Variants in RAP2C observed in about 807,000 individuals in gnomAD.
RAP2C encodes RAP2C, member of RAS oncogene family.
RAP2C carries 3 observed loss-of-function variants against 8.9 expected under a neutral mutation model. That is an observed-to-expected ratio of 0.34 (90% CI 0.15 to 0.87). RAP2C has a LOEUF of 0.87. Among genes scored for constraint, RAP2C ranks in the 40% least tolerant of loss-of-function variants. The pLI, the probability that RAP2C is intolerant of heterozygous loss-of-function variation, is 0.51. For missense variants in RAP2C, 76 were observed against 133.7 expected, an observed-to-expected ratio of 0.57 and a Z score of 2.13; for synonymous variants, 60 against 52.1, an observed-to-expected ratio of 1.15 and a Z score of -0.65.
rs1930181918 is a variant in RAP2C, at chrX:132,203,523, GAGAGAGAGAGA to G, written c.*2088_*2098del. 1 of 73,212 alleles carries G rather than the reference GAGAGAGAGAGA, an allele frequency of 1.4e-5. No homozygotes were observed. The highest frequency in any genetic ancestry group is 2.5e-5 in the Non-Finnish European group (1 of 39,520). The allele number at this position is 73,212 out of a possible 1,213,427, so 6.0% of individuals were successfully genotyped here. A position where few individuals can be genotyped will look rare whatever the true frequency, so the allele number is the denominator to read the frequency against. On this transcript the variant is annotated 3_prime_UTR_variant, in exon 6 of 6. Transcript: ENST00000370874. Reference sequence around the variant, plus strand: ...TGTAATTTTGAGAGAGAGAGAGAGAGAGAGAGAGAGAGAGAGAGAGAGAGAGAGAGAGAGAG... The same window carrying G: ...TGTAATTTTGAGAGAGAGAGAGAGAGGAGAGAGAGAGAGAGAGAGAGAGAG...
At chrX:132,213,749 C>T (rs1429831586) in intron 5 of RAP2C, among the ~76,000 whole-genome samples, 1 of 111,863 alleles carries the variant, frequency 8.9e-6, no homozygotes, top group Non-Finnish European at 1.9e-5. Flanking sequence ...CATAAAAGTA[C>T]AGAAAATACC....
Position 132,217,157 on chromosome X carries a change from C to G in RAP2C, c.112G>C (p.Asp38His). 1 of 1,202,940 alleles carries G rather than the reference C, an allele frequency of 8.3e-7. No individual in the cohort carries two copies. Among genetic ancestry groups the G allele is most frequent in the Non-Finnish European group, 1.1e-6 (1 of 891,558 alleles). The change falls in exon 4 of 6, where the codon GAT (aspartate) becomes CAT (histidine). Residue 38 changes from aspartate (D) to histidine (H), a missense_variant. Asp to His is a moderately conservative substitution (Grantham distance 81, BLOSUM62 -1). Coordinates refer to ENST00000370874, the MANE Select transcript of RAP2C (RefSeq NM_001271186.2). Reference sequence around the variant, plus strand: ...ACTTCGATCTCTTTGCGGTAGAAATCTTCAATGGTGGGGTCATATTTCTCA... The same window carrying G: ...ACTTCGATCTCTTTGCGGTAGAAATGTTCAATGGTGGGGTCATATTTCTCA... ...FIEKYDPTIE[D>H]FYRKEIEVDS...
At chrX:132,205,873 T>C (rs187054122) in intron 5 of RAP2C, among the ~76,000 whole-genome samples, 3 of 111,686 alleles carry the variant, frequency 2.7e-5, no homozygotes, top group South Asian at 3.7e-4. Flanking sequence ...ATTATACTTA[T>C]GCAATATTAA....
chrX:132,203,532 AGAGAGAGAG>A lies in RAP2C; in HGVS notation c.*2081_*2089del, dbSNP rs1930183307. 1 of 105,725 alleles carries A rather than the reference AGAGAGAGAG, an allele frequency of 9.5e-6. No individual in the cohort carries two copies. Among genetic ancestry groups the A allele is most frequent in the Non-Finnish European group, 2.0e-5 (1 of 51,256 alleles). 8.7% of individuals were successfully genotyped at this position (105,725 alleles called of 1,213,427 possible). On this transcript the variant is annotated 3_prime_UTR_variant, in exon 6 of 6. Coordinates refer to ENST00000370874, the MANE Select transcript of RAP2C (RefSeq NM_001271186.2). ...GAGAGAGAGAGAGAGAGAGAGAGAG[AGAGAGAGAG>A]AGAGAGAGAGAGAGAGAGAGAAACA... is the stretch of plus-strand genomic sequence containing the variant.
intron 5 of RAP2C, among the ~76,000 whole-genome samples, chrX:132,208,006 A>C (rs1930320003): frequency 1.6e-5 from 1 of 61,686 alleles, no homozygotes; most frequent in African/African-American, 1.1e-4. Context: ...GGAAAGTACA[A>C]AAAAAAAACC....
chrX:132,209,991 C>T (rs192827178), intron 5 of RAP2C, among the ~76,000 whole-genome samples: 2 of 111,409 alleles, frequency 1.8e-5, no homozygotes, highest in Admixed American at 1.9e-4. Context: ...ATGGTACATA[C>T]CACCCCCAAA....
intron 4 of RAP2C, 173 bp from the exon 5 acceptor site, chrX:132,214,619 CTAGA>C: frequency 1.4e-6 from 1 of 712,592 alleles, no homozygotes; most frequent in Non-Finnish European, 1.7e-6. Context: ...GAAGTAAGAA[CTAGA>C]TAATTTCCAG....
Position 132,217,006 on chromosome X carries a change from T to A in RAP2C, c.263A>T (p.Gln88Leu). The change falls in exon 4 of 6, where the codon CAG becomes CTG. Residue 88 changes from glutamine to leucine, a missense_variant. Physicochemically the swap from Gln to Leu is moderately radical, Grantham distance 113. Coordinates refer to ENST00000370874, the MANE Select transcript of RAP2C (RefSeq NM_001271186.2). ...FILVYSLVNQ[Q>L]SFQDIKPMRD... ...ACTTGGTTTGGTTACCTGAAAAGAC[T>A]GTTGATTAACCAGGCTATAAACCAG... 8.8e-7 allele frequency: 1 copy of A among 1,131,911 alleles called. No homozygotes were observed. Among genetic ancestry groups the A allele is most frequent in the Non-Finnish European group, 1.2e-6 (1 of 856,307 alleles). 93.3% of individuals were successfully genotyped at this position (1,131,911 alleles called of 1,213,427 possible). A position where few individuals can be genotyped will look rare whatever the true frequency, so the allele number is the denominator to read the frequency against.
At position 132,217,173 on chromosome X, in the gene RAP2C, A is replaced by G. The variant is rs754880890; in HGVS notation, c.96T>C (p.Tyr32=). The G allele has an allele frequency of 5.0e-6, 6 of 1,199,028 alleles. No individual in the cohort carries two copies. The highest frequency in any genetic ancestry group is 1.8e-5 in the South Asian group (1 of 54,728). The change falls in exon 4 of 6, where the codon TAT becomes TAC. Residue 32 remains tyrosine, a synonymous_variant. Coordinates refer to ENST00000370874, the MANE Select transcript of RAP2C (RefSeq NM_001271186.2). ...GGTAGAAATCTTCAATGGTGGGGTC[A>G]TATTTCTCAATGAAAGTCCCAGTGA... ...QFVTGTFIEK[Y]DPTIEDFYRK...
intron 5 of RAP2C, among the ~76,000 whole-genome samples, chrX:132,213,538 A>G (rs143853322): frequency 0.031 from 3,453 of 111,378 alleles, 65 homozygotes; most frequent in Non-Finnish European, 0.043. Flanking sequence ...ATTCAACTAG[A>G]TTATCTTTTG....
Position 132,217,543 on chromosome X carries a change from G to C in RAP2C, c.-275C>G, listed in dbSNP as rs1236130689. ...GGGGAGGAGGGCGAGCCTGGGAAAA[G>C]CCCGGCGAGGGTGGCGAGGAGGCGC... is the stretch of plus-strand genomic sequence containing the variant. On this transcript the variant is annotated 5_prime_UTR_variant, in exon 4 of 6. Transcript: ENST00000370874. 1 of 250,306 alleles carries C rather than the reference G, an allele frequency of 4.0e-6. No individual in the cohort carries two copies. Among genetic ancestry groups the C allele is most frequent in the African/African-American group, 2.8e-5 (1 of 35,516 alleles). 20.6% of individuals were successfully genotyped at this position (250,306 alleles called of 1,213,427 possible).
chrX:132,207,303 T>C (rs1045442855), intron 5 of RAP2C, among the ~76,000 whole-genome samples: 1 of 111,784 alleles, frequency 8.9e-6, no homozygotes, highest in Non-Finnish European at 1.9e-5. Flanking sequence ...TCTTCAAGCA[T>C]TCTCTAAAAT....
intron 2 of RAP2C, 88 bp from the exon 3 acceptor site, chrX:132,218,100 C>T (rs1930708017): frequency 3.3e-5 from 1 of 30,294 alleles, no homozygotes; most frequent in Non-Finnish European, 5.5e-5. Context: ...CTCACCCACC[C>T]CCCACCCCCA....
At chrX:132,215,822 G>A (rs1159306513) in intron 4 of RAP2C, among the ~76,000 whole-genome samples, 11 of 110,904 alleles carry the variant, frequency 9.9e-5, no homozygotes, top group Non-Finnish European at 1.9e-4. Context: ...GGGAATTTAT[G>A]CCTACATAAA....
chrX:132,204,995 A>AC lies in RAP2C; in HGVS notation c.*626_*627insG, dbSNP rs1258315000. ...ATGTTAATTACAAAAAAAAAAAAAA[A>AC]AAAACAAAACACATCACAAACTGCA... On this transcript the variant is annotated 3_prime_UTR_variant, in exon 6 of 6. Transcript: ENST00000370874. 3.5e-4 allele frequency: 39 copies of AC among 110,417 alleles called. No individual in the cohort carries two copies. The highest frequency in any genetic ancestry group is 1.2e-3 in the African/African-American group (36 of 30,457). The allele number at this position is 110,417 out of a possible 1,213,427, so 9.1% of individuals were successfully genotyped here.
At chrX:132,206,768 T>C (rs1394249802) in intron 5 of RAP2C, among the ~76,000 whole-genome samples, 3 of 112,286 alleles carry the variant, frequency 2.7e-5, no homozygotes, top group Non-Finnish European at 5.6e-5. Flanking sequence ...CTGCTCATTA[T>C]TGAAATTCTG....
rs1930201282 is a variant in RAP2C, at chrX:132,204,073, C to T, written c.*1549G>A. On this transcript the variant is annotated 3_prime_UTR_variant, in exon 6 of 6. Coordinates refer to ENST00000370874, the MANE Select transcript of RAP2C (RefSeq NM_001271186.2). ...CTGCATATATTAGAGCTTTCCTTGACAAAGTTATTGAGCTCTTATTATAGA... is the reference window on the plus strand; with the variant it reads ...CTGCATATATTAGAGCTTTCCTTGATAAAGTTATTGAGCTCTTATTATAGA... 1 of 112,277 alleles carries T rather than the reference C, an allele frequency of 8.9e-6. No homozygotes were observed. The highest frequency in any genetic ancestry group is 3.2e-5 in the African/African-American group (1 of 30,874). 9.3% of individuals were successfully genotyped at this position (112,277 alleles called of 1,213,427 possible).
rs1930244136 is a variant in RAP2C at position 132,205,380 on chromosome X, T to G, written c.*242A>C. 1 of 112,189 alleles carries G rather than the reference T, an allele frequency of 8.9e-6. No individual in the cohort carries two copies. The highest frequency in any genetic ancestry group is 3.2e-5 in the African/African-American group (1 of 30,771). 9.2% of individuals were successfully genotyped at this position (112,189 alleles called of 1,213,427 possible). ...CTTAGAAAGCTATAAAAGGACTGATTGATAAAGAATGGATTTTAAACGTAT... is the reference window on the plus strand; with the variant it reads ...CTTAGAAAGCTATAAAAGGACTGATGGATAAAGAATGGATTTTAAACGTAT... On this transcript the variant is annotated 3_prime_UTR_variant, in exon 6 of 6. Coordinates refer to ENST00000370874, the MANE Select transcript of RAP2C (RefSeq NM_001271186.2).
intron 5 of RAP2C, among the ~76,000 whole-genome samples, chrX:132,209,498 T>C (rs1404503163): frequency 8.9e-6 from 1 of 112,267 alleles, no homozygotes; most frequent in Non-Finnish European, 1.9e-5. Context: ...TGATTGGATA[T>C]GTTTTTCTAA....
Sources: allele counts gnomAD v4.1 joint callset (sites outside exome capture counted in the v4.1 genomes callset), GRCh38; gene constraint gnomAD v4.1.1; transcripts MANE v1.5; gene names NCBI Gene and HGNC (gene_info 2026-07-23, HGNC 2026-07-21).